Variants in RALY observed in about 807,000 individuals in gnomAD.
RALY encodes the protein RNA-binding protein Raly.
In RALY, 15 loss-of-function variants were observed where a neutral mutation model predicts 30.7. The ratio of observed to expected loss-of-function variants is 0.49; its 90% CI spans 0.33 to 0.75. The LOEUF (loss-of-function observed/expected upper bound fraction) is 0.75, where lower values mean the gene tolerates loss of function less well. RALY is among the 30% of genes least tolerant of loss of function. The pLI is 0.02. For synonymous variants in RALY, 177 were observed against 170.8 expected, an observed-to-expected ratio of 1.04 and a Z score of -0.28; for missense variants, 339 against 414.3, an observed-to-expected ratio of 0.82 and a Z score of 1.58.
chr20:34,078,245 C>G (rs965326693), intron 8 of RALY, among the ~76,000 whole-genome samples: 1 of 152,232 alleles, frequency 6.6e-6, no homozygotes, highest in African/African-American at 2.4e-5. Flanking sequence ...AGTGCAGGCT[C>G]TCTGCACAGA....
In RALY at chr20:34,072,180, T is replaced by G. The variant is rs1568695470; in HGVS notation, c.106T>G (p.Ser36Ala). The G allele has an allele frequency of 6.2e-7, 1 of 1,614,190 alleles. No homozygotes were observed. Among genetic ancestry groups the G allele is most frequent in the Admixed American group, 1.7e-5 (1 of 60,028 alleles). The change falls in exon 3 of 10, where the codon TCA becomes GCA. Residue 36 changes from serine (S) to alanine (A), a missense_variant. This residue lies in a region of RALY where 71 missense variants were observed against 133.7 expected (regional missense o/e 0.53). Coordinates refer to ENST00000246194, the MANE Select transcript of RALY (RefSeq NM_016732.3). ...CCTCAACACAGCTCTGGTGAAGAAA[T>G]CAGATGTGGAGACCATCTTCTCTAA... ...GNLNTALVKK[S>A]DVETIFSKYG...
At position 34,060,662 on chromosome 20, in the gene RALY, G is replaced by A. The variant is rs139600250; in HGVS notation, c.-9-11404G>A. Among the ~76,000 whole-genome samples the A allele has an allele frequency of 6.2e-3, 944 of 152,254 alleles. 10 individuals are homozygous for A. The highest frequency in any genetic ancestry group is 0.022 in the African/African-American group (897 of 41,532). ...CATTTGGTTTCAGGTATCTCCTGAC[G>A]ACATTCCATGTCCTGTCACACAGGA... On this transcript the variant is annotated intron_variant, in intron 2 of 9. Coordinates refer to ENST00000246194, the MANE Select transcript of RALY (RefSeq NM_016732.3).
At chr20:34,062,589 C>T (rs1429426973) in intron 2 of RALY, among the ~76,000 whole-genome samples, 2 of 152,196 alleles carry the variant, frequency 1.3e-5, no homozygotes, top group South Asian at 4.1e-4. Context: ...GAGTAATGGC[C>T]ATAGCCTGGA....
Position 34,072,244 on chromosome 20 carries a change from A to G in RALY, c.170A>G (p.Tyr57Cys). ...GCCGGCTGTTCTGTGCACAAGGGCT[A>G]TGCCTTTGTTCAGTACTCCAATGAG... Reference protein sequence around the residue: ...RVAGCSVHKGYAFVQYSNERH... With the variant: ...RVAGCSVHKGCAFVQYSNERH... Residue 57 changes from tyrosine to cysteine, a missense_variant, in exon 3 of 10, where the codon TAT becomes TGT. Transcript: ENST00000246194. 2 of 1,614,222 alleles carry G rather than the reference A, an allele frequency of 1.2e-6. No individual in the cohort carries two copies. Among genetic ancestry groups the G allele is most frequent in the South Asian group, 1.1e-5 (1 of 91,088 alleles).
chr20:34,053,775 C>G (rs2033156080), intron 2 of RALY, among the ~76,000 whole-genome samples: 1 of 152,172 alleles, frequency 6.6e-6, no homozygotes, highest in African/African-American at 2.4e-5. Flanking sequence ...GCCCAGTATT[C>G]TTTCCATTAA....
At chr20:34,066,172 T>C (rs550481561) in intron 2 of RALY, among the ~76,000 whole-genome samples, 3 of 149,292 alleles carry the variant, frequency 2.0e-5, no homozygotes, top group African/African-American at 7.5e-5. Context: ...TGATCCTCTT[T>C]TTTTTTTTTT....
At chr20:34,024,358 G>A (rs951857349) in intron 1 of RALY, among the ~76,000 whole-genome samples, 4 of 152,184 alleles carry the variant, frequency 2.6e-5, no homozygotes, top group Admixed American at 6.5e-5. Context: ...GTAATTACTC[G>A]TGCCTCCCTT....
At chr20:34,039,649 C>T (rs1399316541) in intron 2 of RALY, among the ~76,000 whole-genome samples, 1 of 152,142 alleles carries the variant, frequency 6.6e-6, no homozygotes, top group Non-Finnish European at 1.5e-5. Flanking sequence ...GATTTCAGGC[C>T]ATTCAATTTG....
chr20:34,017,080 G>T (rs201147309), intron 1 of RALY, among the ~76,000 whole-genome samples: 1 of 14,052 alleles, frequency 7.1e-5, no homozygotes, highest in South Asian at 5.1e-3. Flanking sequence ...ACGGGGAAAT[G>T]GTTAACTTGT....
At chr20:34,047,859 C>G (rs987874739) in intron 2 of RALY, among the ~76,000 whole-genome samples, 3 of 152,162 alleles carry the variant, frequency 2.0e-5, no homozygotes, top group African/African-American at 7.2e-5. Flanking sequence ...TAGGAGATAG[C>G]AGCAACGTCA....
At chr20:34,013,751 T>G (rs2031501165) in intron 1 of RALY, among the ~76,000 whole-genome samples, 1 of 152,228 alleles carries the variant, frequency 6.6e-6, no homozygotes, top group South Asian at 2.1e-4. Flanking sequence ...TCTCATTCAT[T>G]GGATCGAGAC....
chr20:34,073,891 G>A, intron 5 of RALY, 25 bp downstream of exon 5: 1 of 1,610,814 alleles, frequency 6.2e-7, no homozygotes, highest in Non-Finnish European at 8.5e-7. Context: ...GGCGTGCCCA[G>A]GCATGAAACA....
chr20:34,045,560 A>T (rs552713694), intron 2 of RALY, among the ~76,000 whole-genome samples: 1 of 152,210 alleles, frequency 6.6e-6, no homozygotes, highest in Non-Finnish European at 1.5e-5. Flanking sequence ...TGTAGCCAGG[A>T]TCACACAGCA....
chr20:33,997,633 A>G (rs2030703146), intron 1 of RALY, among the ~76,000 whole-genome samples: 1 of 152,100 alleles, frequency 6.6e-6, no homozygotes, highest in African/African-American at 2.4e-5. Context: ...GGCACACAGG[A>G]GGGATTAGCT....
chr20:34,015,444 A>G (rs981330132), intron 1 of RALY, among the ~76,000 whole-genome samples: 1 of 151,934 alleles, frequency 6.6e-6, no homozygotes, highest in Non-Finnish European at 1.5e-5. Context: ...TTCCTAGGTA[A>G]CCCAAGAAAT....
At chr20:33,998,984 G>T (rs562968475) in intron 1 of RALY, among the ~76,000 whole-genome samples, 103 of 151,996 alleles carry the variant, frequency 6.8e-4, no homozygotes, top group African/African-American at 2.3e-3. Context: ...AAAAAAATTA[G>T]TCGGGTGTGG....
intron 2 of RALY, among the ~76,000 whole-genome samples, chr20:34,032,238 C>T (rs2032311321): frequency 6.6e-6 from 1 of 152,214 alleles, no homozygotes; most frequent in South Asian, 2.1e-4. Context: ...GTTGGGATTA[C>T]AAGCGTGAGC....
chr20:34,055,268 A>G (rs1400912652), intron 2 of RALY, among the ~76,000 whole-genome samples: 3 of 152,244 alleles, frequency 2.0e-5, no homozygotes, highest in Admixed American at 6.5e-5. Context: ...TTAGCAATGT[A>G]TCTTCCATGT....
At chr20:34,056,829 T>G (rs2033259779) in intron 2 of RALY, among the ~76,000 whole-genome samples, 1 of 152,250 alleles carries the variant, frequency 6.6e-6, no homozygotes, top group Non-Finnish European at 1.5e-5. Flanking sequence ...GATAACAGTG[T>G]AAATTGGTGT....
Sources: gnomAD v4.1 joint callset for allele counts (sites outside exome capture counted in the v4.1 genomes callset) on GRCh38, gnomAD v4.1.1 for gene constraint, gnomAD v4.1.1 regional missense constraint, MANE v1.5 for transcripts, NCBI Gene and HGNC (gene_info 2026-07-23, HGNC 2026-07-21) for gene names.